Variants in PRKG1 observed in about 807,000 individuals in gnomAD.
PRKG1 encodes cGMP-dependent protein kinase 1.
A neutral mutation model predicts 88.1 loss-of-function variants in PRKG1; 35 were observed. That is an observed-to-expected ratio of 0.40 (90% CI 0.30 to 0.53). The LOEUF (loss-of-function observed/expected upper bound fraction) is 0.53, where lower values mean the gene tolerates loss of function less well. Among genes scored for constraint, PRKG1 ranks in the 20% least tolerant of loss-of-function variants. The pLI is 0.59. For synonymous variants in PRKG1, 303 were observed against 292.5 expected (o/e 1.04, Z -0.37); for missense variants, 540 against 839.8 (o/e 0.64, Z 4.41).
intron 3 of PRKG1, among the ~76,000 whole-genome samples, chr10:51,755,005 C>T (rs1403455459): frequency 1.9e-5 from 2 of 105,120 alleles, no homozygotes; most frequent in African/African-American, 7.7e-5. Flanking sequence ...CATCAGAACT[C>T]AATTACAAAA....
chr10:51,804,911 G>A (rs1377452369), intron 4 of PRKG1, among the ~76,000 whole-genome samples: 3 of 151,926 alleles, frequency 2.0e-5, no homozygotes, highest in African/African-American at 7.3e-5. Flanking sequence ...TATTTCTGGT[G>A]CCAGTTTCCA....
At chr10:51,749,612 G>A (rs1001073327) in intron 3 of PRKG1, among the ~76,000 whole-genome samples, 4 of 152,282 alleles carry the variant, frequency 2.6e-5, no homozygotes, top group African/African-American at 4.8e-5. Flanking sequence ...GAATGGACAG[G>A]GAGGGTAAAA....
At chr10:52,283,854 A>G (rs912193914) in intron 14 of PRKG1, among the ~76,000 whole-genome samples, 9 of 152,082 alleles carry the variant, frequency 5.9e-5, no homozygotes, top group African/African-American at 1.9e-4. Context: ...AGAACCAATT[A>G]TATAATAAAT....
At chr10:51,428,544 A>G (rs1447300378) in intron 2 of PRKG1, among the ~76,000 whole-genome samples, 2 of 152,226 alleles carry the variant, frequency 1.3e-5, no homozygotes, top group Admixed American at 6.5e-5. Context: ...GAAATTGGCC[A>G]TAGGCATACA....
chr10:51,889,707 T>C (rs1425187893), intron 4 of PRKG1, among the ~76,000 whole-genome samples: 2 of 152,216 alleles, frequency 1.3e-5, no homozygotes, highest in Non-Finnish European at 2.9e-5. Context: ...CTCCACATCC[T>C]CTCCAGCACC....
intron 2 of PRKG1, among the ~76,000 whole-genome samples, chr10:51,408,427 G>C (rs1182507685): frequency 6.6e-6 from 1 of 152,214 alleles, no homozygotes; most frequent in African/African-American, 2.4e-5. Flanking sequence ...TGGTGGATAA[G>C]GCATTCCATG....
intron 7 of PRKG1, among the ~76,000 whole-genome samples, chr10:52,129,448 A>G (rs1837195657): frequency 6.6e-6 from 1 of 152,188 alleles, no homozygotes; most frequent in South Asian, 2.1e-4. Flanking sequence ...AGAGATTAAT[A>G]CATGTCATAT....
At chr10:51,276,604 C>T (rs973338984) in intron 2 of PRKG1, among the ~76,000 whole-genome samples, 1 of 152,142 alleles carries the variant, frequency 6.6e-6, no homozygotes, top group Non-Finnish European at 1.5e-5. Flanking sequence ...GTTCCTATTT[C>T]TCCACATCCT....
At chr10:52,156,256 A>G (rs1037321184) in intron 8 of PRKG1, among the ~76,000 whole-genome samples, 2 of 151,974 alleles carry the variant, frequency 1.3e-5, no homozygotes, top group Non-Finnish European at 2.9e-5. Flanking sequence ...CCATGAAATT[A>G]CTATCTGATA....
intron 5 of PRKG1, among the ~76,000 whole-genome samples, chr10:51,930,680 G>A (rs958738989): frequency 6.6e-6 from 1 of 151,382 alleles, no homozygotes; most frequent in Non-Finnish European, 1.5e-5. Context: ...TAGTAGAGAC[G>A]GGGTTTCACC....
At chr10:52,136,343 G>A (rs1364363422) in intron 8 of PRKG1, among the ~76,000 whole-genome samples, 1 of 152,072 alleles carries the variant, frequency 6.6e-6, no homozygotes, top group African/African-American at 2.4e-5. Flanking sequence ...TGAAAAAGAG[G>A]CAAGGTAGAA....
At chr10:51,709,815 C>T (rs189801992) in intron 3 of PRKG1, among the ~76,000 whole-genome samples, 118 of 152,246 alleles carry the variant, frequency 7.8e-4, no homozygotes, top group Non-Finnish European at 1.5e-3. Flanking sequence ...GGGAAATCCT[C>T]CTGACAGCAG....
chr10:52,174,511 A>G (rs190467420), intron 9 of PRKG1, among the ~76,000 whole-genome samples: 3 of 152,058 alleles, frequency 2.0e-5, no homozygotes, highest in African/African-American at 7.2e-5. Flanking sequence ...AAAAAGGACT[A>G]TAAAGAAGCA....
intron 4 of PRKG1, among the ~76,000 whole-genome samples, chr10:51,820,744 C>T (rs758475048): frequency 2.0e-5 from 3 of 152,172 alleles, no homozygotes; most frequent in South Asian, 2.1e-4. Context: ...GCCTACTGTA[C>T]GCACTGGGTT....
chr10:52,131,753 C>T (rs145772975), intron 7 of PRKG1, among the ~76,000 whole-genome samples: 7 of 127,374 alleles, frequency 5.5e-5, no homozygotes, highest in East Asian at 2.5e-4. Context: ...ACCTGGGAGA[C>T]GGAGGTTGCA....
rs1394471746 is a variant in PRKG1 at position 52,071,177 on chromosome 10, G to A, written c.935+8546G>A. Among the ~76,000 whole-genome samples, 3 of 151,938 alleles carry A rather than the reference G, an allele frequency of 2.0e-5. No homozygotes were observed. The East Asian group carries it at 5.8e-4, about 29-fold the overall frequency. On this transcript the variant is annotated intron_variant, in intron 7 of 17. Transcript: ENST00000373980. ...TTTAATTTTGATTCAGAAGGTACAT[G>A]TGCAGGTTTGTTACATGGGTGTACT...
rs549839052 is a variant in PRKG1 at position 51,846,939 on chromosome 10, C to T, written c.698+42249C>T. Among the ~76,000 whole-genome samples the T allele has an allele frequency of 2.0e-3, 305 of 152,096 alleles. 4 individuals are homozygous for T. Among genetic ancestry groups the T allele is most frequent in the Middle Eastern group, 6.8e-3 (2 of 294 alleles). ...AGCATAAAAATATATACATCAAGTG[C>T]TGCTAAAATCAGTGATATGAATTCT... On this transcript the variant is annotated intron_variant, in intron 4 of 17. Coordinates refer to ENST00000373980, the MANE Select transcript of PRKG1 (RefSeq NM_006258.4).
At chr10:51,004,941 C>CA in intron 1 of PRKG1, among the ~76,000 whole-genome samples, 1 of 152,226 alleles carries the variant, frequency 6.6e-6, no homozygotes, top group South Asian at 2.1e-4. Flanking sequence ...CCAAGTCTCT[C>CA]AGCTACTTTT....
intron 5 of PRKG1, among the ~76,000 whole-genome samples, chr10:52,021,138 G>C (rs1845173621): frequency 6.6e-6 from 1 of 152,162 alleles, no homozygotes; most frequent in South Asian, 2.1e-4. Context: ...CTGTTCATCA[G>C]AATGATCTAC....
Sources: allele counts gnomAD v4.1 joint callset (sites outside exome capture counted in the v4.1 genomes callset), GRCh38; gene constraint gnomAD v4.1.1; transcripts MANE v1.5; gene names NCBI Gene and HGNC (gene_info 2026-07-23, HGNC 2026-07-21).